The following OLFM3 variants were observed in gnomAD, a reference collection of about 807,000 sequenced individuals.
OLFM3 encodes noelin-3.
OLFM3 carries 20 observed loss-of-function variants against 48.6 expected under a neutral mutation model. The ratio of observed to expected loss-of-function variants is 0.41; its 90% confidence interval spans 0.29 to 0.60. The LOEUF (loss-of-function observed/expected upper bound fraction) is 0.60. OLFM3 is among the 20% of genes least tolerant of loss of function. OLFM3 has a pLI of 0.28. For missense variants in OLFM3, 437 were observed against 544.3 expected (o/e 0.80, Z 1.96); for synonymous variants, 222 against 198.1 (o/e 1.12, Z -1.01).
At chr1:101,923,820 G>GT (rs1179508694) in intron 1 of OLFM3, among the ~76,000 whole-genome samples, 2 of 151,740 alleles carry the variant, frequency 1.3e-5, no homozygotes, top group African/African-American at 2.4e-5. Context: ...TTGGGACTGT[G>GT]TTTTTTTCTA....
At position 101,825,162 on chromosome 1, in the gene OLFM3, C is replaced by T; in HGVS notation, c.456G>A (p.Gln152=). Residue 152 remains glutamine (Q), a synonymous_variant, in exon 4 of 6, where the codon CAG becomes CAA. Coordinates refer to ENST00000370103, the MANE Select transcript of OLFM3 (RefSeq NM_058170.4). ...QYKTDAKLIT[Q]FKEEIRNLSA... ...ACAGATTCCTTATTTCCTCCTTGAACTGGGTGATTAACTTAGCATCTGTTT... is the reference window on the plus strand; with the variant it reads ...ACAGATTCCTTATTTCCTCCTTGAATTGGGTGATTAACTTAGCATCTGTTT... 1 of 1,614,054 alleles carries T rather than the reference C, an allele frequency of 6.2e-7. No homozygotes were observed.
chr1:101,948,431 A>T (rs1015148707), intron 1 of OLFM3, among the ~76,000 whole-genome samples: 1 of 151,366 alleles, frequency 6.6e-6, no homozygotes, highest in Non-Finnish European at 1.5e-5. Context: ...TTTATCCTGA[A>T]TATTTGTGTT....
At chr1:101,844,574 A>G (rs1655889474) in intron 1 of OLFM3, among the ~76,000 whole-genome samples, 1 of 152,188 alleles carries the variant, frequency 6.6e-6, no homozygotes, top group Non-Finnish European at 1.5e-5. Context: ...CCCCATTTGT[A>G]GAATAATGAG....
At chr1:101,969,794 G>A (rs1423541005) in intron 1 of OLFM3, among the ~76,000 whole-genome samples, 2 of 152,048 alleles carry the variant, frequency 1.3e-5, no homozygotes, top group Admixed American at 1.3e-4. Context: ...GGAGAAGGAT[G>A]TCAATCAGAA....
At chr1:101,963,357 C>T (rs1360231229) in intron 1 of OLFM3, among the ~76,000 whole-genome samples, 2 of 152,122 alleles carry the variant, frequency 1.3e-5, no homozygotes, top group African/African-American at 4.8e-5. Context: ...GGAGGGTAAC[C>T]CCTGACTGCA....
chr1:101,869,950 A>C (rs555653641), intron 1 of OLFM3, among the ~76,000 whole-genome samples: 1 of 152,162 alleles, frequency 6.6e-6, no homozygotes, highest in East Asian at 1.9e-4. Context: ...TAAATTACCC[A>C]GTCTCGAGCA....
chr1:101,977,474 A>C (rs1273585556), intron 1 of OLFM3, among the ~76,000 whole-genome samples: 3 of 152,158 alleles, frequency 2.0e-5, no homozygotes, highest in Non-Finnish European at 4.4e-5. Context: ...GGAGACCTGA[A>C]CTGAACATGT....
At chr1:101,902,528 A>G (rs1168817917) in intron 1 of OLFM3, among the ~76,000 whole-genome samples, 2 of 152,084 alleles carry the variant, frequency 1.3e-5, no homozygotes, top group Non-Finnish European at 2.9e-5. Flanking sequence ...AAGAGGAACT[A>G]GGAAATTTAG....
intron 1 of OLFM3, among the ~76,000 whole-genome samples, chr1:101,917,403 C>T (rs1362097684): frequency 6.6e-6 from 1 of 150,950 alleles, no homozygotes; most frequent in East Asian, 2.0e-4. Flanking sequence ...AAATAAAAGC[C>T]ATAAATATAT....
At chr1:101,943,920 T>C (rs1659873487) in intron 1 of OLFM3, among the ~76,000 whole-genome samples, 1 of 151,842 alleles carries the variant, frequency 6.6e-6, no homozygotes, top group African/African-American at 2.4e-5. Context: ...CTGTTTCTGA[T>C]TGAAATAAAA....
intron 1 of OLFM3, among the ~76,000 whole-genome samples, chr1:101,852,126 C>T (rs1406161602): frequency 6.7e-6 from 1 of 150,042 alleles, no homozygotes; most frequent in African/African-American, 2.5e-5. Context: ...TACCACCATA[C>T]TTTTCCTACT....
chr1:101,819,553 G>C (rs1235580326), intron 4 of OLFM3, among the ~76,000 whole-genome samples: 2 of 152,024 alleles, frequency 1.3e-5, no homozygotes, highest in Non-Finnish European at 2.9e-5. Context: ...AGCTGGTTTT[G>C]AGAAATTGGT....
At chr1:101,964,788 G>C (rs1322863096) in intron 1 of OLFM3, among the ~76,000 whole-genome samples, 1 of 152,182 alleles carries the variant, frequency 6.6e-6, no homozygotes, top group Non-Finnish European at 1.5e-5. Flanking sequence ...CAGCATGAAA[G>C]TATACAGGAG....
chr1:101,842,495 C>T (rs904200572), intron 1 of OLFM3, among the ~76,000 whole-genome samples: 10 of 152,020 alleles, frequency 6.6e-5, no homozygotes, highest in Non-Finnish European at 1.0e-4. Flanking sequence ...TACAGTGAGC[C>T]GAGATAGTGC....
At chr1:101,995,031 T>A (rs1661520599) in intron 1 of OLFM3, among the ~76,000 whole-genome samples, 2 of 152,092 alleles carry the variant, frequency 1.3e-5, no homozygotes, top group African/African-American at 4.8e-5. Flanking sequence ...TATCTACATA[T>A]TTAATTTTGG....
In OLFM3 at chr1:101,804,745, A is replaced by G. The variant is rs1340518869; in HGVS notation, c.870T>C (p.Asn290=). The G allele has an allele frequency of 1.9e-6, 3 of 1,612,618 alleles. No homozygotes were observed. Among genetic ancestry groups the G allele is most frequent in the East Asian group, 2.2e-5 (1 of 44,840 alleles). The change falls in exon 6 of 6, where the codon AAT becomes AAC. Residue 290 remains asparagine, a synonymous_variant. Coordinates refer to ENST00000370103, the MANE Select transcript of OLFM3 (RefSeq NM_058170.4). The surrounding 1 kb of genome is among the most constrained non-coding windows in gnomAD (Gnocchi z 4.5). ...TATCAAAGCTGTATTTGATGATGAT[A>G]TTACTCTGATACTTGTTAAAATAGA... is the stretch of plus-strand genomic sequence containing the variant. The part of the protein sequence containing the change: ...GSLYFNKYQS[N]IIIKYSFDMG...
intron 1 of OLFM3, among the ~76,000 whole-genome samples, chr1:101,873,272 A>T (rs1004015714): frequency 6.6e-6 from 1 of 151,954 alleles, no homozygotes; most frequent in Non-Finnish European, 1.5e-5. Context: ...ATAAGAACAT[A>T]AGCAGGAAAG....
intron 1 of OLFM3, among the ~76,000 whole-genome samples, chr1:101,962,737 T>C (rs1423115199): frequency 1.3e-5 from 2 of 152,194 alleles, no homozygotes; most frequent in African/African-American, 4.8e-5. Flanking sequence ...TTCATCTCAG[T>C]CTGGCTTCAA....
chr1:101,996,504 C>G (rs930865280), intron 1 of OLFM3, among the ~76,000 whole-genome samples: 6 of 152,098 alleles, frequency 3.9e-5, no homozygotes, highest in Non-Finnish European at 4.4e-5. Context: ...CCGCATTGCC[C>G]GCTGCCCATG....
Sources: allele counts gnomAD v4.1 joint callset (sites outside exome capture counted in the v4.1 genomes callset), GRCh38; gene constraint gnomAD v4.1.1; non-coding constraint Gnocchi (gnomAD v3.1); transcripts MANE v1.5; gene names NCBI Gene and HGNC (gene_info 2026-07-23, HGNC 2026-07-21).